IL23R: variants seen among roughly 807,000 people sequenced by gnomAD.
The protein encoded by IL23R is interleukin 23 receptor, also known as interleukin-23 receptor.
IL23R carries 34 observed loss-of-function variants against 56.9 expected under a neutral mutation model. The observed-to-expected ratio is 0.60, with a 90% confidence interval of 0.45 to 0.80. The LOEUF (loss-of-function observed/expected upper bound fraction) is 0.80. IL23R is among the 30% of genes least tolerant of loss of function. The pLI is 0.00. For synonymous variants in IL23R, 230 were observed against 249.2 expected, an observed-to-expected ratio of 0.92 and a Z score of 0.73; for missense variants, 635 against 730.0, an observed-to-expected ratio of 0.87 and a Z score of 1.50.
intron 1 of IL23R, among the ~76,000 whole-genome samples, chr1:67,145,334 CA>C (rs1646670392): frequency 6.6e-6 from 1 of 152,110 alleles, no homozygotes; most frequent in Non-Finnish European, 1.5e-5. Flanking sequence ...GCAACAAGAG[CA>C]AAACCCTGTC....
chr1:67,209,810 T>C (rs1376341690), intron 6 of IL23R, among the ~76,000 whole-genome samples: 1 of 152,216 alleles, frequency 6.6e-6, no homozygotes, highest in Non-Finnish European at 1.5e-5. Context: ...TATTGTATGC[T>C]TGCAAACAGA....
At chr1:67,226,452 C>T (rs187949042) in intron 7 of IL23R, among the ~76,000 whole-genome samples, 4 of 152,248 alleles carry the variant, frequency 2.6e-5, no homozygotes, top group East Asian at 1.9e-4. Context: ...GTCCAGCGGC[C>T]GATCTCCTCT....
chr1:67,186,588 T>C (rs922058052), intron 4 of IL23R, among the ~76,000 whole-genome samples: 2 of 152,168 alleles, frequency 1.3e-5, no homozygotes, highest in South Asian at 4.2e-4. Context: ...AATCATATAA[T>C]ATGTGGTCTT....
upstream of IL23R, among the ~76,000 whole-genome samples, chr1:67,162,133 ATCC>A (rs1314555294): frequency 6.6e-6 from 1 of 152,000 alleles, no homozygotes; most frequent in African/African-American, 2.4e-5. Context: ...TATAAATTTT[ATCC>A]AATGTTTAAA....
rs781262110 is a variant in IL23R, at chr1:67,182,839, C to T, written c.371C>T (p.Pro124Leu). 62 of 1,613,810 alleles carry T rather than the reference C, an allele frequency of 3.8e-5. No homozygotes were observed. Among genetic ancestry groups the T allele is most frequent in the South Asian group, 4.4e-5 (4 of 91,070 alleles). ...TAAGTGTTATGTTTTGTTGCAGATCCGCCAGATATTCCTGATGAAGTAACC... is the reference window on the plus strand; with the variant it reads ...TAAGTGTTATGTTTTGTTGCAGATCTGCCAGATATTCCTGATGAAGTAACC... ...ICGKDISSGY[P>L]PDIPDEVTCV... The change falls in exon 4 of 11, where the codon CCG becomes CTG. Residue 124 changes from proline (P) to leucine (L), a missense_variant. Pro to Leu is a moderately conservative substitution (Grantham distance 98, BLOSUM62 -3). Coordinates refer to ENST00000347310, the MANE Select transcript of IL23R (RefSeq NM_144701.3).
chr1:67,161,865 A>C (rs1335362081), upstream of IL23R, among the ~76,000 whole-genome samples: 1 of 152,006 alleles, frequency 6.6e-6, no homozygotes, highest in African/African-American at 2.4e-5. Flanking sequence ...TGACCTTGCG[A>C]TCCACCTGCC....
rs890872565 is a variant in IL23R, at chr1:67,205,343, A to G, written c.653-1567A>G. Among the ~76,000 whole-genome samples the G allele has an allele frequency of 2.2e-4, 34 of 152,262 alleles. 1 individual carries two copies. The highest frequency in any genetic ancestry group is 8.0e-4 in the African/African-American group (33 of 41,474). On this transcript the variant is annotated intron_variant, in intron 5 of 10. Transcript: ENST00000347310. ...GTATAATAGTCATTGTAGTAAAACAATAATTTTCTTAAAGAAAGTTTTATA... is the reference window on the plus strand; with the variant it reads ...GTATAATAGTCATTGTAGTAAAACAGTAATTTTCTTAAAGAAAGTTTTATA...
intron 6 of IL23R, among the ~76,000 whole-genome samples, chr1:67,212,646 A>C (rs1649561574): frequency 6.6e-6 from 1 of 151,558 alleles, no homozygotes; most frequent in Non-Finnish European, 1.5e-5. Flanking sequence ...CCTGGACTCA[A>C]GCAATCCTCC....
rs745976353 is a variant in IL23R at position 67,168,097 on chromosome 1, AAC to A, written c.-22_-21del. On this transcript the variant is annotated 5_prime_UTR_variant, in exon 2 of 11. Coordinates refer to ENST00000347310, the MANE Select transcript of IL23R (RefSeq NM_144701.3). ...TTTTCATATTTTTTTTCCAGAGGGAAACAGTCTTTTCCTGCTTCCAGACATGA... is the reference window on the plus strand; with the variant it reads ...TTTTCATATTTTTTTTCCAGAGGGAAAGTCTTTTCCTGCTTCCAGACATGA... The A allele has an allele frequency of 3.9e-6, 6 of 1,546,430 alleles. No individual in the cohort carries two copies. The South Asian group carries it at 6.7e-5, about 17-fold the overall frequency.
chr1:67,182,689 C>T, intron 3 of IL23R, 147 bp from the exon 4 acceptor site: 1 of 817,758 alleles, frequency 1.2e-6, no homozygotes, highest in Admixed American at 1.8e-5. Flanking sequence ...CCCGGTACCT[C>T]AGTTGGAAAT....
chr1:67,178,763 A>G (rs916504945), intron 3 of IL23R, among the ~76,000 whole-genome samples: 5 of 152,278 alleles, frequency 3.3e-5, no homozygotes, highest in African/African-American at 1.2e-4. Flanking sequence ...TTTGTCATAG[A>G]TAGCTCTTAT....
intron 6 of IL23R, among the ~76,000 whole-genome samples, chr1:67,218,271 C>T (rs6657075): frequency 4.4e-4 from 23 of 52,232 alleles, no homozygotes; most frequent in Non-Finnish European, 7.2e-4. Context: ...GACACATACA[C>T]ATATATATAT....
In IL23R at chr1:67,259,466, C is replaced by T. The variant is rs913682128; in HGVS notation, c.*338C>T. The T allele has an allele frequency of 1.8e-5, 6 of 332,394 alleles. No homozygotes were observed. The highest frequency in any genetic ancestry group is 4.6e-5 in the Admixed American group (1 of 21,610). 20.6% of individuals were successfully genotyped at this position (332,394 alleles called of 1,614,324 possible). A position where few individuals can be genotyped will look rare whatever the true frequency, so the allele number is the denominator to read the frequency against. ...TCTTAAAATTAGAGAATTAAGGTCC[C>T]GAAGGTGGAACATGCTTCATGGTCA... On this transcript the variant is annotated 3_prime_UTR_variant, in exon 11 of 11. Coordinates refer to ENST00000347310, the MANE Select transcript of IL23R (RefSeq NM_144701.3).
intron 4 of IL23R, among the ~76,000 whole-genome samples, chr1:67,197,942 AGAAAAG>A (rs371506740): frequency 3.6e-4 from 48 of 133,918 alleles, no homozygotes; most frequent in Admixed American, 7.7e-4. Context: ...TCATTAAAAA[AGAAAAG>A]AAAAGAAAAG....
At chr1:67,196,163 T>C (rs1388140153) in intron 4 of IL23R, 2 of 152,112 alleles carry the variant, frequency 1.3e-5, no homozygotes, top group Non-Finnish European at 2.9e-5. Context: ...GCACAAACAG[T>C]GTAATTGGAA....
At chr1:67,203,634 C>T (rs1419223311) in intron 5 of IL23R, among the ~76,000 whole-genome samples, 1 of 152,162 alleles carries the variant, frequency 6.6e-6, no homozygotes, top group Admixed American at 6.5e-5. Flanking sequence ...GCCAACAAAA[C>T]CACCAGATTA....
At chr1:67,237,086 A>G (rs749212428) in intron 8 of IL23R, among the ~76,000 whole-genome samples, 15 of 152,214 alleles carry the variant, frequency 9.9e-5, no homozygotes, top group Non-Finnish European at 1.8e-4. Context: ...TCTGTCACCC[A>G]GGCTGGAGTG....
Position 67,255,943 on chromosome 1 carries a change from C to G in IL23R, c.1239+16C>G. 6.8e-7 allele frequency: 1 copy of G among 1,460,372 alleles called. No homozygotes were observed. The highest frequency in any genetic ancestry group is 9.6e-7 in the Non-Finnish European group (1 of 1,040,578). The allele number at this position is 1,460,372 out of a possible 1,614,324, so 90.5% of individuals were successfully genotyped here. ...AATGCTACAGGTAACCTAACATCATCCAACAAAAACTGAGTGGCAATTGAG... is the reference window on the plus strand; with the variant it reads ...AATGCTACAGGTAACCTAACATCATGCAACAAAAACTGAGTGGCAATTGAG... On this transcript the variant is annotated intron_variant, in intron 10 of 10. Transcript: ENST00000347310.
rs545757118 is a variant in IL23R at position 67,258,463 on chromosome 1, G to A, written c.1240-15G>A. 8.8e-6 allele frequency: 14 copies of A among 1,584,012 alleles called. 1 individual carries two copies. The East Asian group carries it at 3.1e-4, about 36-fold the overall frequency. On this transcript the variant is annotated splice_polypyrimidine_tract_variant and intron_variant, in intron 10 of 10. Transcript: ENST00000347310. Reference sequence around the variant, plus strand: ...AATGTCTTTTGCAAAATAAAATGATGTCTTTTTTTCCTAGGAAAATAGTGA... The same window carrying A: ...AATGTCTTTTGCAAAATAAAATGATATCTTTTTTTCCTAGGAAAATAGTGA...
Sources: gnomAD v4.1 joint callset for allele counts (sites outside exome capture counted in the v4.1 genomes callset) on GRCh38, gnomAD v4.1.1 for gene constraint, MANE v1.5 for transcripts, NCBI Gene and HGNC (gene_info 2026-07-23, HGNC 2026-07-21) for gene names.